DLL1: variants seen among roughly 807,000 people sequenced by gnomAD.
DLL1 encodes delta like canonical Notch ligand 1.
A neutral mutation model predicts 75.1 loss-of-function variants in DLL1; 9 were observed. The ratio of observed to expected loss-of-function variants is 0.12; its 90% CI spans 0.07 to 0.21. The LOEUF (loss-of-function observed/expected upper bound fraction) is 0.21. Among genes scored for constraint, DLL1 ranks in the 10% least tolerant of loss-of-function variants. The pLI is 1.00. For synonymous variants in DLL1, 477 were observed against 418.3 expected (o/e 1.14, Z -1.71); for missense variants, 837 against 1,007.6 (o/e 0.83, Z 2.29).
Position 170,290,102 on chromosome 6 carries a change from G to A in DLL1, c.38C>T (p.Ser13Leu). Residue 13 changes from serine to leucine, a missense_variant, in exon 1 of 11, where the codon TCG becomes TTG. Physicochemically the swap from Ser to Leu is moderately radical, Grantham distance 145. Coordinates refer to ENST00000366756, the MANE Select transcript of DLL1 (RefSeq NM_005618.4). This position sits in a 1 kb window ranked among gnomAD's most constrained non-coding sequence, Gnocchi z 4.7. The part of the protein sequence containing the change: ...SRCALALAVL[S>L]ALLCQVWSSG... ...CCCGCCTACCTGACACAGCAAGGCC[G>A]AGAGCACCGCCAGGGCCAGCGCGCA... is the stretch of plus-strand genomic sequence containing the variant. The A allele has an allele frequency of 1.3e-6, 2 of 1,591,218 alleles. No homozygotes were observed. The highest frequency in any genetic ancestry group is 8.5e-7 in the Non-Finnish European group (1 of 1,176,754).
In DLL1 at chr6:170,283,689, C is replaced by T. The variant is rs955923760; in HGVS notation, c.1590G>A (p.Val530=). The T allele has an allele frequency of 3.8e-6, 6 of 1,563,562 alleles. No homozygotes were observed. The highest frequency in any genetic ancestry group is 5.2e-6 in the Non-Finnish European group (6 of 1,154,590). The part of the protein sequence containing the change: ...LPELPPGPAV[V]DLTEKLEGQG... ...GGCCCTCTAGCTTCTCAGTGAGGTC[C>T]ACCACCGCTGGGCCCGGGGGCAGCT... Residue 530 remains valine, a synonymous_variant, in exon 9 of 11, where the codon GTG becomes GTA. Transcript: ENST00000366756.
Position 170,290,309 on chromosome 6 carries a change from C to G in DLL1, c.-170G>C, listed in dbSNP as rs1034688056. On this transcript the variant is annotated 5_prime_UTR_variant, in exon 1 of 11. Transcript: ENST00000366756. The surrounding 1 kb of genome is among the most constrained non-coding windows in gnomAD (Gnocchi z 4.7). ...TTTCTTTAAAAGCCGGTCTCCGCCT[C>G]TTCCCAAGGCCGCGGTTCTTTATAT... is the stretch of plus-strand genomic sequence containing the variant. 9.5e-6 allele frequency: 6 copies of G among 629,614 alleles called. No individual in the cohort carries two copies. The highest frequency in any genetic ancestry group is 1.5e-5 in the Non-Finnish European group (6 of 412,798). 39.0% of individuals were successfully genotyped at this position (629,614 alleles called of 1,614,324 possible). A position where few individuals can be genotyped will look rare whatever the true frequency, so the allele number is the denominator to read the frequency against.
At position 170,290,507 on chromosome 6, in the gene DLL1, A is replaced by G; in HGVS notation, c.-368T>C. ...GCTTCTTCGCAGGAGAGGGAGGGGGAGAAAGAGAAAGAGAGAGAGTCCAGA... is the reference window on the plus strand; with the variant it reads ...GCTTCTTCGCAGGAGAGGGAGGGGGGGAAAGAGAAAGAGAGAGAGTCCAGA... On this transcript the variant is annotated 5_prime_UTR_variant, in exon 1 of 11. Coordinates refer to ENST00000366756, the MANE Select transcript of DLL1 (RefSeq NM_005618.4). This position sits in a 1 kb window ranked among gnomAD's most constrained non-coding sequence, Gnocchi z 4.7. The G allele has an allele frequency of 3.7e-6, 1 of 270,360 alleles. No homozygotes were observed. Among genetic ancestry groups the G allele is most frequent in the Non-Finnish European group, 6.9e-6 (1 of 145,858 alleles). The allele number at this position is 270,360 out of a possible 1,614,324, so 16.7% of individuals were successfully genotyped here.
intron 5 of DLL1, 121 bp from the exon 6 acceptor site, chr6:170,285,820 G>T: frequency 3.5e-6 from 5 of 1,425,186 alleles, no homozygotes; most frequent in Non-Finnish European, 4.9e-6. Flanking sequence ...CAGATTAGCA[G>T]AACACTGGGT....
chr6:170,285,964 A>G (rs1345324790), intron 5 of DLL1, among the ~76,000 whole-genome samples: 1 of 152,226 alleles, frequency 6.6e-6, no homozygotes, highest in Non-Finnish European at 1.5e-5. Context: ...TTTGAGAACC[A>G]TTGAACTATA....
chr6:170,288,897 T>A lies in DLL1; in HGVS notation c.352-108A>T, dbSNP rs1783770434. On this transcript the variant is annotated intron_variant, in intron 2 of 10. Transcript: ENST00000366756. The stretch of plus-strand genomic sequence containing the variant: ...AGGTCAGCAACAGAGGCCTGAAGGC[T>A]GCAGGTCTGGGGCAGCGTGTCTGGA... 3 of 1,255,004 alleles carry A rather than the reference T, an allele frequency of 2.4e-6. 1 individual carries two copies. In the Admixed American group the frequency reaches 5.2e-5, roughly 22 times the overall value. The allele number at this position is 1,255,004 out of a possible 1,614,324, so 77.7% of individuals were successfully genotyped here.
intron 4 of DLL1, among the ~76,000 whole-genome samples, chr6:170,287,826 G>T (rs905594762): frequency 6.6e-6 from 1 of 152,328 alleles, no homozygotes; most frequent in South Asian, 2.1e-4. Flanking sequence ...ACGTTTCCCA[G>T]TGTGATGCTG....
chr6:170,290,638 G>C lies in DLL1; in HGVS notation c.-499C>G, dbSNP rs1011604884. 1 of 263,914 alleles carries C rather than the reference G, an allele frequency of 3.8e-6. No individual in the cohort carries two copies. Among genetic ancestry groups the C allele is most frequent in the Non-Finnish European group, 7.1e-6 (1 of 141,800 alleles). The allele number at this position is 263,914 out of a possible 1,614,324, so 16.3% of individuals were successfully genotyped here. A position where few individuals can be genotyped will look rare whatever the true frequency, so the allele number is the denominator to read the frequency against. On this transcript the variant is annotated 5_prime_UTR_variant, in exon 1 of 11. Transcript: ENST00000366756. This position sits in a 1 kb window ranked among gnomAD's most constrained non-coding sequence, Gnocchi z 4.7. Reference sequence around the variant, plus strand: ...AAGGCGATAATCCGGGGCCAGCGGCGCGCGCTGAGGGGACGGTCGGCGGCG... The same window carrying C: ...AAGGCGATAATCCGGGGCCAGCGGCCCGCGCTGAGGGGACGGTCGGCGGCG...
chr6:170,286,844 G>A (rs1029811291), intron 4 of DLL1, among the ~76,000 whole-genome samples: 8 of 151,804 alleles, frequency 5.3e-5, no homozygotes, highest in Non-Finnish European at 1.0e-4. Flanking sequence ...CACCCCTTCC[G>A]CCAATGGGAG....
chr6:170,288,071 C>CA, intron 4 of DLL1, 168 bp downstream of exon 4: 1 of 971,382 alleles, frequency 1.0e-6, no homozygotes, highest in African/African-American at 1.6e-5. Context: ...CCAACCCCCC[C>CA]ACTGACGAGC....
intron 2 of DLL1, chr6:170,289,272 G>C: frequency 1.5e-6 from 1 of 662,666 alleles, no homozygotes; most frequent in Non-Finnish European, 2.6e-6. Flanking sequence ...TCCCGGGCGC[G>C]CTCGGCCTCT....
chr6:170,288,218 G>A (rs1783749883), intron 4 of DLL1, 21 bp downstream of exon 4: 1 of 1,613,688 alleles, frequency 6.2e-7, no homozygotes. Context: ...GTGAGCCAGC[G>A]GTGCCTTCCC....
chr6:170,285,601 T>C lies in DLL1; in HGVS notation c.830A>G (p.Gln277Arg), dbSNP rs1434461912. The change falls in exon 6 of 11, where the codon CAG becomes CGG. Residue 277 changes from glutamine (Q) to arginine (R), a missense_variant. By Grantham distance (43) the Gln-to-Arg change is conservative. This residue lies in a region of DLL1 where 304 missense variants were observed against 461.9 expected (regional missense o/e 0.66). Coordinates refer to ENST00000366756, the MANE Select transcript of DLL1 (RefSeq NM_005618.4). ...GCAGAAAAGGCCCCCCCAGCCTTCC[T>C]GGCAGTTGCACTGCCAGGGCTGCTG... ...TCQQPWQCNC[Q>R]EGWGGLFCNQ... is the part of the protein sequence containing the mutation. 3 of 1,613,946 alleles carry C rather than the reference T, an allele frequency of 1.9e-6. No homozygotes were observed. The African/African-American group carries it at 4.0e-5, about 22-fold the overall frequency.
Position 170,290,802 on chromosome 6 carries a change from T to G in DLL1, c.-663A>C. 1.7e-6 allele frequency: 1 copy of G among 589,792 alleles called. No individual in the cohort carries two copies. The highest frequency in any genetic ancestry group is 3.0e-6 in the Non-Finnish European group (1 of 331,438). The allele number at this position is 589,792 out of a possible 1,614,324, so 36.5% of individuals were successfully genotyped here. ...TTTCCGATGAATCCAGCCAATGCCATCCAGTACACACGCGCAGGACCGGAG... is the reference window on the plus strand; with the variant it reads ...TTTCCGATGAATCCAGCCAATGCCAGCCAGTACACACGCGCAGGACCGGAG... On this transcript the variant is annotated 5_prime_UTR_variant, in exon 1 of 11. The change abolishes an upstream ATG in the 5' untranslated region. Coordinates refer to ENST00000366756, the MANE Select transcript of DLL1 (RefSeq NM_005618.4). This position sits in a 1 kb window ranked among gnomAD's most constrained non-coding sequence, Gnocchi z 4.7.
rs777960901 is a variant in DLL1, at chr6:170,288,341, C to T, written c.568G>A (p.Val190Ile). ...GCATCGTCCCGGGGACGGCAGAAAA[C>T]GGAGCAGCCCTCTCCGTAGTAGTGT... ...DEHYYGEGCS[V>I]FCRPRDDAFG... The change falls in exon 4 of 11, where the codon GTT (valine) becomes ATT (isoleucine). Residue 190 changes from valine to isoleucine, a missense_variant. Physicochemically the swap from Val to Ile is conservative, Grantham distance 29. This residue lies in a region of DLL1 where 304 missense variants were observed against 461.9 expected (regional missense o/e 0.66). Transcript: ENST00000366756. The T allele has an allele frequency of 3.1e-6, 5 of 1,614,072 alleles. No individual in the cohort carries two copies. The highest frequency in any genetic ancestry group is 2.2e-5 in the East Asian group (1 of 44,884).
intron 4 of DLL1, 99 bp from the exon 5 acceptor site, chr6:170,286,397 G>T: frequency 7.0e-7 from 1 of 1,420,524 alleles, no homozygotes; most frequent in Non-Finnish European, 9.9e-7. Flanking sequence ...GCTTCAGTCA[G>T]CAAATCCCAG....
intron 8 of DLL1, among the ~76,000 whole-genome samples, chr6:170,284,448 G>A (rs540718752): frequency 4.6e-5 from 7 of 152,322 alleles, no homozygotes; most frequent in East Asian, 3.9e-4. Flanking sequence ...TGACCATTCC[G>A]GAATGCTCCG....
chr6:170,282,806 T>C lies in DLL1; in HGVS notation c.*68A>G, dbSNP rs1303893115. The C allele has an allele frequency of 9.3e-5, 150 of 1,611,728 alleles. No individual in the cohort carries two copies. Among genetic ancestry groups the C allele is most frequent in the Non-Finnish European group, 1.2e-4 (144 of 1,179,006 alleles). On this transcript the variant is annotated 3_prime_UTR_variant, in exon 11 of 11. Transcript: ENST00000366756. ...CTCCCTCCTCTTCAGCAGCATTCGT[T>C]GGGGCATATATCCTTGGAATTTTAC...
Position 170,289,726 on chromosome 6 carries a change from C to A in DLL1, c.137G>T (p.Arg46Leu), listed in dbSNP as rs1430113026. The A allele has an allele frequency of 6.4e-7, 1 of 1,550,390 alleles. No homozygotes were observed. Among genetic ancestry groups the A allele is most frequent in the Non-Finnish European group, 8.7e-7 (1 of 1,147,048 alleles). Reference sequence around the variant, plus strand: ...GCACGGCGGTGGCCCCGCGCCCCCGCGGCAGCAGTTGCGGTTCCCCAGCAG... The same window carrying A: ...GCACGGCGGTGGCCCCGCGCCCCCGAGGCAGCAGTTGCGGTTCCCCAGCAG... ...KGLLGNRNCC[R>L]GGAGPPPCAC... The change falls in exon 2 of 11, where the codon CGC becomes CTC. Residue 46 changes from arginine to leucine, a missense_variant. By Grantham distance (102) the Arg-to-Leu change is moderately radical. This residue lies in a region of DLL1 where 304 missense variants were observed against 461.9 expected (regional missense o/e 0.66). Coordinates refer to ENST00000366756, the MANE Select transcript of DLL1 (RefSeq NM_005618.4).
Sources: allele counts gnomAD v4.1 joint callset (sites outside exome capture counted in the v4.1 genomes callset), GRCh38; gene constraint gnomAD v4.1.1; regional missense constraint gnomAD v4.1.1; non-coding constraint Gnocchi (gnomAD v3.1); transcripts MANE v1.5; gene names NCBI Gene and HGNC (gene_info 2026-07-23, HGNC 2026-07-21).